Variants in PLA2G4C observed in about 807,000 individuals in gnomAD.
PLA2G4C encodes phospholipase A2 group IVC, also known as cytosolic phospholipase A2 gamma.
A neutral mutation model predicts 73.8 loss-of-function variants in PLA2G4C; 64 were observed. That is an observed-to-expected ratio of 0.87 (90% CI 0.71 to 1.07). PLA2G4C has a LOEUF of 1.07. Among genes scored for constraint, PLA2G4C ranks in the 50% least tolerant of loss-of-function variants. The pLI is 0.00. For missense variants in PLA2G4C, 622 were observed against 665.4 expected, an observed-to-expected ratio of 0.93 and a Z score of 0.72; for synonymous variants, 254 against 252.1, an observed-to-expected ratio of 1.01 and a Z score of -0.07.
intron 7 of PLA2G4C, among the ~76,000 whole-genome samples, chr19:48,092,847 A>G (rs2031382760): frequency 6.6e-6 from 1 of 152,228 alleles, no homozygotes; most frequent in African/African-American, 2.4e-5. Flanking sequence ...TGATGGTTGC[A>G]CAACATTATG....
At chr19:48,090,737 C>A in intron 7 of PLA2G4C, 1 of 330,052 alleles carries the variant, frequency 3.0e-6, no homozygotes, top group Non-Finnish European at 5.7e-6. Context: ...TCTCAGCACA[C>A]AGGCAGGAAG....
intron 11 of PLA2G4C, among the ~76,000 whole-genome samples, 176 bp from the exon 12 acceptor site, chr19:48,075,050 T>C (rs2030047203): frequency 6.6e-6 from 1 of 151,974 alleles, no homozygotes; most frequent in Admixed American, 6.6e-5. Flanking sequence ...TACCTCACTC[T>C]CTCTGACTTT....
At chr19:48,077,593 C>T (rs11564599) in intron 11 of PLA2G4C, among the ~76,000 whole-genome samples, 178 bp downstream of exon 11, 1,814 of 152,256 alleles carry the variant, frequency 0.012, 41 homozygotes, top group African/African-American at 0.041. Context: ...GTTTGAACTC[C>T]GATCCTGCCC....
In PLA2G4C at chr19:48,104,654, C is replaced by G. The variant is rs2032076981; in HGVS notation, c.191G>C (p.Ser64Thr). 6.2e-7 allele frequency: 1 copy of G among 1,614,144 alleles called. No homozygotes were observed. Residue 64 changes from serine to threonine, a missense_variant, in exon 4 of 17, where the codon AGT (serine) becomes ACT (threonine). Physicochemically the swap from Ser to Thr is moderately conservative, Grantham distance 58. Transcript: ENST00000599921. ...RAHIACLGVL[S>T]EMKEQGLLDA... ...CAACAGGCCCTGTTCTTTCATCTCA[C>G]TCAGGACCCCAAGGCAGGCAATGTG...
intron 13 of PLA2G4C, 94 bp from the exon 14 acceptor site, chr19:48,062,246 C>A (rs78919896): frequency 8.8e-7 from 1 of 1,133,352 alleles, no homozygotes; most frequent in South Asian, 1.6e-5. Flanking sequence ...GGAAAATGAT[C>A]GTTGTCAGTG....
chr19:48,060,595 G>C (rs1240996651), intron 14 of PLA2G4C, among the ~76,000 whole-genome samples: 1 of 152,164 alleles, frequency 6.6e-6, no homozygotes, highest in East Asian at 1.9e-4. Context: ...TTCAGGATGA[G>C]AAAACTGAGG....
intron 4 of PLA2G4C, 144 bp downstream of exon 4, chr19:48,104,444 T>G (rs959679950): frequency 2.7e-6 from 2 of 737,756 alleles, no homozygotes; most frequent in Non-Finnish European, 2.2e-6. Context: ...AGCGTCAGAA[T>G]TGCTCAGAAT....
At chr19:48,105,891 C>T (rs1343171572) in intron 2 of PLA2G4C, among the ~76,000 whole-genome samples, 193 of 828 alleles carry the variant, frequency 0.23, 38 homozygotes, top group African/African-American at 0.45. Context: ...CCTTCTTTCC[C>T]TCCCTCCCTC....
chr19:48,066,452 G>T (rs1366442), intron 13 of PLA2G4C, among the ~76,000 whole-genome samples: 82,167 of 151,730 alleles, frequency 0.54, 22,735 homozygotes, highest in Non-Finnish European at 0.58. Context: ...GGCATGGTGC[G>T]CAGACACAGC....
intron 5 of PLA2G4C, 34 bp from the exon 6 acceptor site, chr19:48,098,293 G>A (rs1358807857): frequency 1.3e-6 from 2 of 1,586,882 alleles, no homozygotes; most frequent in East Asian, 4.6e-5. Context: ...GTGTGAGGGA[G>A]GCATGTGGGT....
intron 13 of PLA2G4C, 121 bp downstream of exon 13, chr19:48,067,670 C>G (rs1000529057): frequency 5.5e-6 from 4 of 732,620 alleles, no homozygotes; most frequent in Non-Finnish European, 9.9e-6. Flanking sequence ...TTTGACACCA[C>G]CCCCCTCCAA....
chr19:48,057,480 C>CTTTTTTTTTTT (rs1260409498), intron 14 of PLA2G4C, among the ~76,000 whole-genome samples: 1,337 of 27,902 alleles, frequency 0.048, 244 homozygotes, highest in East Asian at 0.1. Flanking sequence ...TCTTCTTCTT[C>CTTTTTTTTTTT]TTCTTTTTTT....
Position 48,067,723 on chromosome 19 carries a change from C to T in PLA2G4C, c.1102+68G>A, listed in dbSNP as rs181276912. 139 of 1,060,370 alleles carry T rather than the reference C, an allele frequency of 1.3e-4. No homozygotes were observed. The African/African-American group carries it at 2.0e-3, about 15-fold the overall frequency. The allele number at this position is 1,060,370 out of a possible 1,614,324, so 65.7% of individuals were successfully genotyped here. On this transcript the variant is annotated intron_variant, in intron 13 of 16. Coordinates refer to ENST00000599921, the MANE Select transcript of PLA2G4C (RefSeq NM_003706.3). ...AGCCTGGGATTGTTTCAGGCCCACC[C>T]CCTTCCCCTACTCCAGCCCATTCAC...
chr19:48,054,110 C>T (rs572338258), intron 15 of PLA2G4C, among the ~76,000 whole-genome samples: 22 of 152,138 alleles, frequency 1.4e-4, no homozygotes, highest in Non-Finnish European at 2.9e-4. Context: ...AACAAGATGT[C>T]CCCAGGGCAC....
Position 48,085,064 on chromosome 19 carries a change from A to G in PLA2G4C, c.839T>C (p.Ile280Thr), listed in dbSNP as rs766728941. ...TCTGTTCCCCAAATACTCACCAAAA[A>G]TAAGGTGTCCAATGCTTTTAGCATT... is the stretch of plus-strand genomic sequence containing the variant. ...VANAKSIGHL[I>T]FARLLRLQES... Residue 280 changes from isoleucine to threonine, a missense_variant, in exon 10 of 17, where the codon ATT becomes ACT. Physicochemically the swap from Ile to Thr is moderately conservative, Grantham distance 89. Coordinates refer to ENST00000599921, the MANE Select transcript of PLA2G4C (RefSeq NM_003706.3). 1.2e-6 allele frequency: 2 copies of G among 1,608,982 alleles called. No homozygotes were observed. The highest frequency in any genetic ancestry group is 2.7e-5 in the African/African-American group (2 of 74,846).
chr19:48,069,044 C>CAAA (rs11350634), intron 12 of PLA2G4C, among the ~76,000 whole-genome samples: 1 of 113,066 alleles, frequency 8.8e-6, no homozygotes. Flanking sequence ...AACCCCATCT[C>CAAA]AAAAAAAAAA....
intron 10 of PLA2G4C, among the ~76,000 whole-genome samples, chr19:48,082,908 G>A (rs563269404): frequency 3.0e-4 from 44 of 148,994 alleles, no homozygotes; most frequent in Non-Finnish European, 5.8e-4. Context: ...CTGCCTCCCA[G>A]GTTCACGCCA....
At position 48,062,066 on chromosome 19, in the gene PLA2G4C, C is replaced by T. The variant is rs138527123; in HGVS notation, c.1189G>A (p.Val397Met). The change falls in exon 14 of 17, where the codon GTG becomes ATG. Residue 397 changes from valine to methionine, a missense_variant. Coordinates refer to ENST00000599921, the MANE Select transcript of PLA2G4C (RefSeq NM_003706.3). ...GLAINTPFPLVLPPTREVHLI... is the reference protein window; with the variant it reads ...GLAINTPFPLMLPPTREVHLI... ...TGAACCTCCCGCGTCGGGGGCAGCA[C>T]GAGTGGGAAGGGAGTGTTGATGGCT... 3.5e-4 allele frequency: 562 copies of T among 1,613,658 alleles called. 1 individual carries two copies. The highest frequency in any genetic ancestry group is 4.5e-4 in the Non-Finnish European group (536 of 1,179,792).
chr19:48,082,597 C>T (rs1410201749), intron 10 of PLA2G4C, among the ~76,000 whole-genome samples: 2 of 143,252 alleles, frequency 1.4e-5, no homozygotes, highest in African/African-American at 2.6e-5. Flanking sequence ...CTCCCGGGTT[C>T]GAGCAATTCC....
Sources: gnomAD v4.1 joint callset for allele counts (sites outside exome capture counted in the v4.1 genomes callset) on GRCh38, gnomAD v4.1.1 for gene constraint, MANE v1.5 for transcripts, NCBI Gene and HGNC (gene_info 2026-07-23, HGNC 2026-07-21) for gene names.